ST3GAL3: variants seen among roughly 807,000 people sequenced by gnomAD.
ST3GAL3 encodes ST3 beta-galactoside alpha-2,3-sialyltransferase 3, also known as CMP-N-acetylneuraminate-beta-1,4-galactoside alpha-2,3-sialyltransferase.
ST3GAL3 carries 21 observed loss-of-function variants against 50.1 expected under a neutral mutation model. The observed-to-expected ratio is 0.42, with a 90% CI of 0.30 to 0.60. The LOEUF is 0.60. ST3GAL3 is among the 20% of genes least tolerant of loss of function. The probability of loss-of-function intolerance (pLI) is 0.19; values close to 1 mark genes in which losing one functional copy is unlikely to be tolerated. For synonymous variants in ST3GAL3, 183 were observed against 190.0 expected (o/e 0.96, Z 0.30); for missense variants, 353 against 489.4 (o/e 0.72, Z 2.63).
In ST3GAL3 at chr1:43,792,137, A is replaced by G; in HGVS notation, c.154A>G (p.Thr52Ala). 1 of 1,614,116 alleles carries G rather than the reference A, an allele frequency of 6.2e-7. No individual in the cohort carries two copies. The highest frequency in any genetic ancestry group is 1.1e-5 in the South Asian group (1 of 91,082). Residue 52 changes from threonine (T) to alanine (A), a missense_variant, in exon 3 of 12, where the codon ACA becomes GCA. Coordinates refer to ENST00000347631, the MANE Select transcript of ST3GAL3 (RefSeq NM_006279.5). ...TCTTTCCTTTGACTCCGCTGGACAA[A>G]CACTAGGCTCAGGTACCAACTCTTC... ...VVLSFDSAGQ[T>A]LGSEYDRLGF...
At chr1:43,760,671 G>A (rs577465119) in intron 2 of ST3GAL3, among the ~76,000 whole-genome samples, 6 of 152,142 alleles carry the variant, frequency 3.9e-5, no homozygotes, top group East Asian at 3.9e-4. Flanking sequence ...CAGGAGAATC[G>A]CTTGAACTCG....
At chr1:43,767,894 A>T (rs1202134766) in intron 2 of ST3GAL3, among the ~76,000 whole-genome samples, 1 of 152,176 alleles carries the variant, frequency 6.6e-6, no homozygotes, top group African/African-American at 2.4e-5. Context: ...ATAAGCATAG[A>T]GGGAAGTTTG....
At chr1:43,928,033 G>A (rs536461292) in intron 11 of ST3GAL3, among the ~76,000 whole-genome samples, 14 of 152,314 alleles carry the variant, frequency 9.2e-5, no homozygotes, top group African/African-American at 2.6e-4. Context: ...TGATGACTGC[G>A]GGAATTTGGC....
intron 4 of ST3GAL3, among the ~76,000 whole-genome samples, chr1:43,829,995 C>CT (rs71579312): frequency 0.37 from 25,969 of 69,946 alleles, 9,090 homozygotes; most frequent in Non-Finnish European, 0.52. Flanking sequence ...ATAAAAATTC[C>CT]TTTTTTTTTT....
At chr1:43,779,108 AT>A (rs1335855648) in intron 2 of ST3GAL3, among the ~76,000 whole-genome samples, 1 of 149,296 alleles carries the variant, frequency 6.7e-6, no homozygotes, top group Non-Finnish European at 1.5e-5. Flanking sequence ...GGCCCAGCTA[AT>A]TTTTGTATAT....
At chr1:43,869,594 A>G (rs145933589) in intron 5 of ST3GAL3, among the ~76,000 whole-genome samples, 18 of 146,770 alleles carry the variant, frequency 1.2e-4, no homozygotes, top group South Asian at 1.1e-3. Flanking sequence ...ATTTTCTTCA[A>G]TGGTCATGTC....
intron 9 of ST3GAL3, among the ~76,000 whole-genome samples, chr1:43,910,398 G>A (rs1013913050): frequency 5.3e-5 from 8 of 152,222 alleles, no homozygotes; most frequent in Non-Finnish European, 1.2e-4. Flanking sequence ...ACATCTTTGA[G>A]TTTCATTTTC....
intron 5 of ST3GAL3, chr1:43,851,005 A>C (rs2154213091): frequency 2.3e-6 from 2 of 858,554 alleles, no homozygotes; most frequent in East Asian, 2.4e-5. Flanking sequence ...GCAGTGTTCA[A>C]ATGGGGAGGG....
At chr1:43,822,957 A>T (rs1250042283) in intron 4 of ST3GAL3, among the ~76,000 whole-genome samples, 1 of 152,086 alleles carries the variant, frequency 6.6e-6, no homozygotes, top group Non-Finnish European at 1.5e-5. Flanking sequence ...AGCTAACTAC[A>T]TCCTTCCAAT....
At chr1:43,710,955 A>G (rs1204450862) in intron 1 of ST3GAL3, among the ~76,000 whole-genome samples, 3 of 152,236 alleles carry the variant, frequency 2.0e-5, no homozygotes, top group Non-Finnish European at 4.4e-5. Flanking sequence ...TTCATCATCC[A>G]ACTTTGTACA....
intron 2 of ST3GAL3, among the ~76,000 whole-genome samples, chr1:43,760,199 A>G (rs1689745571): frequency 6.6e-6 from 1 of 152,184 alleles, no homozygotes; most frequent in South Asian, 2.1e-4. Flanking sequence ...CTTCAAGGGA[A>G]ACCACTGGCA....
chr1:43,820,451 G>A (rs2061951938), intron 4 of ST3GAL3, among the ~76,000 whole-genome samples: 1 of 152,094 alleles, frequency 6.6e-6, no homozygotes. Context: ...AAATTGACAA[G>A]TGAGACCTAA....
At chr1:43,910,626 G>C (rs772290512) in intron 9 of ST3GAL3, among the ~76,000 whole-genome samples, 2 of 152,230 alleles carry the variant, frequency 1.3e-5, no homozygotes, top group African/African-American at 2.4e-5. Flanking sequence ...GTTGGCGAGA[G>C]CAACAGGGCC....
intron 2 of ST3GAL3, among the ~76,000 whole-genome samples, chr1:43,744,671 T>TAAAC (rs1682726065): frequency 1.4e-5 from 2 of 146,236 alleles, no homozygotes; most frequent in African/African-American, 5.0e-5. Context: ...AATAAATAAA[T>TAAAC]AAATAAATAA....
intron 2 of ST3GAL3, chr1:43,743,848 C>G (rs952365896): frequency 6.2e-6 from 1 of 160,492 alleles, no homozygotes; most frequent in South Asian, 1.8e-4. Context: ...TTCATTCCCC[C>G]CCCCCCCATT....
chr1:43,928,855 G>A (rs2154300191), intron 11 of ST3GAL3, among the ~76,000 whole-genome samples: 1 of 152,322 alleles, frequency 6.6e-6, no homozygotes, highest in South Asian at 2.1e-4. Context: ...GTTGCAGTGA[G>A]CTGAGATCAC....
chr1:43,812,349 A>G (rs2060657234), intron 3 of ST3GAL3, among the ~76,000 whole-genome samples: 2 of 152,192 alleles, frequency 1.3e-5, no homozygotes, highest in South Asian at 4.1e-4. Context: ...CACTCTCCAG[A>G]TGGACTCAGT....
At chr1:43,918,446 A>G (rs1164160076) in intron 9 of ST3GAL3, among the ~76,000 whole-genome samples, 3 of 152,118 alleles carry the variant, frequency 2.0e-5, no homozygotes, top group Non-Finnish European at 4.4e-5. Context: ...TTTTTTAAAC[A>G]TTTACTTATT....
At chr1:43,848,139 A>T (rs756122826) in intron 5 of ST3GAL3, among the ~76,000 whole-genome samples, 1 of 151,810 alleles carries the variant, frequency 6.6e-6, no homozygotes, top group South Asian at 2.1e-4. Context: ...ATGTAACTCT[A>T]TTTACTTGCT....
Sources: gnomAD v4.1 joint callset for allele counts (sites outside exome capture counted in the v4.1 genomes callset) on GRCh38, gnomAD v4.1.1 for gene constraint, MANE v1.5 for transcripts, NCBI Gene and HGNC (gene_info 2026-07-23, HGNC 2026-07-21) for gene names.